Variants in GPC5 observed in about 807,000 individuals in gnomAD.
GPC5 encodes glypican 5, also known as glypican-5.
GPC5 carries 47 observed loss-of-function variants against 53.9 expected under a neutral mutation model. That is an observed-to-expected ratio of 0.87 (90% CI 0.69 to 1.11). GPC5 has a LOEUF of 1.11. Among genes scored for constraint, GPC5 ranks in the 50% most tolerant of loss-of-function variants. The pLI, the probability that GPC5 is intolerant of heterozygous loss-of-function variation, is 0.00. For missense variants in GPC5, 748 were observed against 713.1 expected, an observed-to-expected ratio of 1.05 and a Z score of -0.56; for synonymous variants, 286 against 263.3, an observed-to-expected ratio of 1.09 and a Z score of -0.84.
chr13:91,962,459 A>G (rs2040134842), intron 6 of GPC5, among the ~76,000 whole-genome samples: 1 of 152,090 alleles, frequency 6.6e-6, no homozygotes, highest in Non-Finnish European at 1.5e-5. Context: ...TGAGCTCTGG[A>G]GTAGATGGCC....
intron 5 of GPC5, among the ~76,000 whole-genome samples, chr13:91,789,025 C>T (rs2037922240): frequency 1.3e-5 from 2 of 152,138 alleles, no homozygotes; most frequent in South Asian, 4.2e-4. Flanking sequence ...ACCAGCCTGG[C>T]CAACATGGCG....
intron 7 of GPC5, among the ~76,000 whole-genome samples, chr13:92,644,045 G>C (rs939208532): frequency 7.2e-5 from 11 of 152,236 alleles, no homozygotes; most frequent in East Asian, 3.9e-4. Flanking sequence ...GAAGCATGGG[G>C]GTAGGTAGGA....
At chr13:92,546,863 G>A (rs887536594) in intron 7 of GPC5, among the ~76,000 whole-genome samples, 30 of 152,020 alleles carry the variant, frequency 2.0e-4, no homozygotes, top group South Asian at 4.2e-4. Context: ...AAATAATGCC[G>A]CATATCTACA....
chr13:92,634,119 T>TC (rs1885341974), intron 7 of GPC5, among the ~76,000 whole-genome samples: 1 of 128,142 alleles, frequency 7.8e-6, no homozygotes, highest in Non-Finnish European at 1.9e-5. Context: ...TTACGGACTA[T>TC]CTTTTAATGG....
intron 7 of GPC5, among the ~76,000 whole-genome samples, chr13:92,579,764 T>C (rs1196845745): frequency 6.6e-6 from 1 of 152,096 alleles, no homozygotes; most frequent in Non-Finnish European, 1.5e-5. Context: ...CTAATATCTC[T>C]TTTGAATTCT....
At chr13:92,280,776 G>A (rs1312528599) in intron 7 of GPC5, among the ~76,000 whole-genome samples, 2 of 152,132 alleles carry the variant, frequency 1.3e-5, no homozygotes, top group Non-Finnish European at 2.9e-5. Context: ...GCGGTTGCAA[G>A]ATGGCCTAAT....
At position 92,541,091 on chromosome 13, in the gene GPC5, T is replaced by TA. The variant is rs1480395551; in HGVS notation, c.1562-325190dup. On this transcript the variant is annotated intron_variant, in intron 7 of 7. Transcript: ENST00000377067. ...ATGATGTTAATTTTAAAATAATGTT[T>TA]ATGAAGGTTATGGCATAGTATAGAG... 3.6e-4 allele frequency among the ~76,000 whole-genome samples: 55 copies of TA among 151,968 alleles called. 1 individual carries two copies. Among genetic ancestry groups the TA allele is most frequent in the Admixed American group, 1.1e-3 (17 of 15,232 alleles).
chr13:91,598,124 T>C (rs924027916), intron 2 of GPC5, among the ~76,000 whole-genome samples: 23 of 152,182 alleles, frequency 1.5e-4, no homozygotes, highest in Non-Finnish European at 2.8e-4. Context: ...GCTTATCTTG[T>C]CAGAGATTCT....
chr13:91,984,006 A>G (rs1378155263), intron 6 of GPC5, among the ~76,000 whole-genome samples: 1 of 152,206 alleles, frequency 6.6e-6, no homozygotes, highest in Non-Finnish European at 1.5e-5. Context: ...AGCGTGGTCA[A>G]ATAACCATCG....
intron 2 of GPC5, among the ~76,000 whole-genome samples, chr13:91,478,420 G>A (rs1245928482): frequency 1.3e-5 from 2 of 151,772 alleles, no homozygotes; most frequent in African/African-American, 2.4e-5. Flanking sequence ...AAAATGTAAA[G>A]AGAAATAAAT....
chr13:91,782,209 T>C lies in GPC5; in HGVS notation c.1280+25789T>C, dbSNP rs116362063. Among the ~76,000 whole-genome samples the C allele has an allele frequency of 6.4e-3, 972 of 152,330 alleles. 14 individuals are homozygous for C. The highest frequency in any genetic ancestry group is 0.023 in the African/African-American group (943 of 41,576). On this transcript the variant is annotated intron_variant, in intron 5 of 7. Coordinates refer to ENST00000377067, the MANE Select transcript of GPC5 (RefSeq NM_004466.6). ...TTGCCATCCAGTGGCAGCAGCCATA[T>C]ACTTCAGTTGAGTAACAGAAAAGAG...
chr13:92,852,156 C>T (rs912398088), intron 7 of GPC5, among the ~76,000 whole-genome samples: 7 of 152,100 alleles, frequency 4.6e-5, no homozygotes, highest in Non-Finnish European at 1.0e-4. Flanking sequence ...TTTTTAAGAA[C>T]CATGAGCTCT....
intron 7 of GPC5, among the ~76,000 whole-genome samples, chr13:92,845,973 G>T (rs1283610113): frequency 6.6e-6 from 1 of 152,036 alleles, no homozygotes; most frequent in Non-Finnish European, 1.5e-5. Flanking sequence ...ATGGCTCTAA[G>T]CTTCACAAAC....
At chr13:92,205,688 A>G (rs191773802) in intron 7 of GPC5, among the ~76,000 whole-genome samples, 14 of 152,312 alleles carry the variant, frequency 9.2e-5, no homozygotes, top group African/African-American at 3.4e-4. Context: ...CAGCTGCAAC[A>G]GTGATATCAT....
At chr13:92,478,673 T>C (rs1292520197) in intron 7 of GPC5, among the ~76,000 whole-genome samples, 1 of 152,012 alleles carries the variant, frequency 6.6e-6, no homozygotes, top group East Asian at 1.9e-4. Context: ...AAAATCAGAT[T>C]GAATTTGGGG....
At chr13:92,142,922 T>C (rs1237527480) in intron 6 of GPC5, among the ~76,000 whole-genome samples, 2 of 152,218 alleles carry the variant, frequency 1.3e-5, no homozygotes, top group Non-Finnish European at 1.5e-5. Context: ...TTATAAATCA[T>C]ATAATTGCAT....
At chr13:91,781,811 TCAGTAATC>T (rs2037802945) in intron 5 of GPC5, among the ~76,000 whole-genome samples, 1 of 152,204 alleles carries the variant, frequency 6.6e-6, no homozygotes, top group African/African-American at 2.4e-5. Flanking sequence ...CAATCTCACT[TCAGTAATC>T]TACTATAAAC....
intron 7 of GPC5, among the ~76,000 whole-genome samples, chr13:92,821,995 G>A (rs1877690643): frequency 6.6e-6 from 1 of 152,026 alleles, no homozygotes; most frequent in African/African-American, 2.4e-5. Flanking sequence ...GCGATTACCA[G>A]AAAGGCAGTA....
At chr13:92,009,253 CGTGTGT>C (rs3059952) in intron 6 of GPC5, among the ~76,000 whole-genome samples, 9 of 139,828 alleles carry the variant, frequency 6.4e-5, no homozygotes, top group South Asian at 2.6e-4. Flanking sequence ...GCTGGATTTT[CGTGTGT>C]GTGTGTGTGT....
Sources: gnomAD v4.1 joint callset for allele counts (sites outside exome capture counted in the v4.1 genomes callset) on GRCh38, gnomAD v4.1.1 for gene constraint, MANE v1.5 for transcripts, NCBI Gene and HGNC (gene_info 2026-07-23, HGNC 2026-07-21) for gene names.